RORA: variants seen among roughly 807,000 people sequenced by gnomAD.
The protein encoded by RORA is RAR related orphan receptor A, also known as nuclear receptor ROR-alpha.
In RORA, 7 loss-of-function variants were observed where a neutral mutation model predicts 69.5. The ratio of observed to expected loss-of-function variants is 0.10; its 90% confidence interval spans 0.06 to 0.19. The LOEUF is 0.19. Among genes scored for constraint, RORA ranks in the 10% least tolerant of loss-of-function variants. The pLI is 1.00. For missense variants in RORA, 457 were observed against 663.0 expected, an observed-to-expected ratio of 0.69 and a Z score of 3.41; for synonymous variants, 261 against 240.8, an observed-to-expected ratio of 1.08 and a Z score of -0.78.
At chr15:60,765,650 T>G (rs549524462) in intron 1 of RORA, 3 of 152,308 alleles carry the variant, frequency 2.0e-5, no homozygotes, top group African/African-American at 7.2e-5. Flanking sequence ...AGCTGCTTCA[T>G]GCAAATCCTT....
At position 60,688,244 on chromosome 15, in the gene RORA, C is replaced by T. The variant is rs116540381; in HGVS notation, c.167-9558G>A. Among the ~76,000 whole-genome samples the T allele has an allele frequency of 5.8e-3, 872 of 151,538 alleles. 13 individuals carry two copies. The highest frequency in any genetic ancestry group is 0.02 in the African/African-American group (837 of 41,328). ...TTCAAAGTCCCAAAGCATAGTATAT[C>T]ATTTTGTCAAAAAAGGAAAAAAAAA... On this transcript the variant is annotated intron_variant, in intron 1 of 10. Coordinates refer to ENST00000335670, the MANE Select transcript of RORA (RefSeq NM_134261.3).
At chr15:61,108,628 C>G (rs939323485) in intron 1 of RORA, among the ~76,000 whole-genome samples, 1 of 152,198 alleles carries the variant, frequency 6.6e-6, no homozygotes, top group Admixed American at 6.5e-5. Flanking sequence ...TTTGCTACTA[C>G]TAAACCATTA....
chr15:60,565,326 T>C (rs894907806), intron 2 of RORA, among the ~76,000 whole-genome samples: 22 of 152,236 alleles, frequency 1.4e-4, no homozygotes, highest in Admixed American at 1.3e-4. Context: ...TTTCAGATAG[T>C]GCTAGAGGTG....
intron 10 of RORA, among the ~76,000 whole-genome samples, chr15:60,497,952 G>A (rs924594945): frequency 6.6e-6 from 1 of 151,958 alleles, no homozygotes; most frequent in East Asian, 1.9e-4. Flanking sequence ...CCAGCTACTC[G>A]GGAGGCTGAG....
rs192126208 is a variant in RORA at position 61,115,570 on chromosome 15, G to A, written c.166+113483C>T. On this transcript the variant is annotated intron_variant, in intron 1 of 10. Transcript: ENST00000335670. The stretch of plus-strand genomic sequence containing the variant: ...TAGAGAGAGATGGCATTGGAAATAG[G>A]CTCATTTTCCCTCATAAGGTACCAG... Among the ~76,000 whole-genome samples the A allele has an allele frequency of 2.6e-5, 4 of 152,250 alleles. No homozygotes were observed. In the East Asian group the frequency reaches 7.7e-4, roughly 29 times the overall value.
chr15:60,667,970 T>G (rs901561121), intron 2 of RORA, among the ~76,000 whole-genome samples: 2 of 151,962 alleles, frequency 1.3e-5, no homozygotes, highest in African/African-American at 4.8e-5. Flanking sequence ...TTCCTCTTCA[T>G]GACAGTCTCT....
At chr15:60,619,374 G>C (rs975334305) in intron 2 of RORA, among the ~76,000 whole-genome samples, 11 of 152,108 alleles carry the variant, frequency 7.2e-5, no homozygotes, top group African/African-American at 2.7e-4. Context: ...GAACAATTTG[G>C]GGACAAACTA....
At chr15:60,497,664 AAGC>A (rs1320924147) in intron 10 of RORA, 45 bp from the exon 11 acceptor site, 1 of 1,489,712 alleles carries the variant, frequency 6.7e-7, no homozygotes, top group Non-Finnish European at 9.3e-7. Context: ...GAACAGGCAT[AAGC>A]ATCAAAGATC....
chr15:60,723,518 T>G (rs1490983300), intron 1 of RORA, among the ~76,000 whole-genome samples: 1 of 152,158 alleles, frequency 6.6e-6, no homozygotes, highest in Non-Finnish European at 1.5e-5. Context: ...AGTTGAGTAC[T>G]TTCTCAGTGT....
intron 2 of RORA, chr15:60,592,989 G>A: frequency 2.2e-6 from 1 of 453,976 alleles, no homozygotes; most frequent in Non-Finnish European, 4.4e-6. Context: ...GTTTGGTCTG[G>A]GGAGCTACGG....
chr15:60,975,375 G>A (rs1179781911), intron 1 of RORA, among the ~76,000 whole-genome samples: 1 of 152,206 alleles, frequency 6.6e-6, no homozygotes, highest in Non-Finnish European at 1.5e-5. Context: ...GGTCTGCCAA[G>A]TTCCTTCCCA....
chr15:61,135,598 A>AC (rs61256775), intron 1 of RORA, among the ~76,000 whole-genome samples: 1 of 150,096 alleles, frequency 6.7e-6, no homozygotes, highest in East Asian at 2.0e-4. Context: ...AAAAAAAAAA[A>AC]CCACAACTAT....
intron 2 of RORA, among the ~76,000 whole-genome samples, chr15:60,578,473 A>G (rs1290933476): frequency 6.6e-6 from 1 of 152,218 alleles, no homozygotes; most frequent in East Asian, 1.9e-4. Flanking sequence ...ACAGACTCAA[A>G]GTTCATTTTT....
intron 1 of RORA, among the ~76,000 whole-genome samples, chr15:60,829,985 A>G (rs980182063): frequency 6.6e-6 from 1 of 152,234 alleles, no homozygotes; most frequent in African/African-American, 2.4e-5. Context: ...CTGAGTAATG[A>G]ATGAATAAAC....
chr15:61,198,795 C>T (rs974260984), intron 1 of RORA, among the ~76,000 whole-genome samples: 1 of 152,036 alleles, frequency 6.6e-6, no homozygotes, highest in Non-Finnish European at 1.5e-5. Flanking sequence ...TGCCTGTAAA[C>T]TTAAATTCAA....
chr15:60,648,108 C>T (rs912636657), intron 2 of RORA, among the ~76,000 whole-genome samples: 8 of 152,220 alleles, frequency 5.3e-5, no homozygotes, highest in Admixed American at 1.3e-4. Flanking sequence ...GGAGAGAACA[C>T]GCTTTAGAAA....
intron 1 of RORA, among the ~76,000 whole-genome samples, chr15:61,068,319 TG>T (rs1305375945): frequency 6.6e-6 from 1 of 152,194 alleles, no homozygotes; most frequent in African/African-American, 2.4e-5. Flanking sequence ...TGCTTAACGG[TG>T]TGCACTGTCT....
intron 1 of RORA, among the ~76,000 whole-genome samples, chr15:61,104,261 A>T (rs1443013715): frequency 6.6e-6 from 1 of 152,202 alleles, no homozygotes; most frequent in African/African-American, 2.4e-5. Flanking sequence ...GAACGGAGAA[A>T]ATTAACAAAC....
chr15:60,829,230 C>A (rs2073006337), intron 1 of RORA, among the ~76,000 whole-genome samples: 1 of 152,212 alleles, frequency 6.6e-6, no homozygotes, highest in Admixed American at 6.5e-5. Flanking sequence ...TTCATCCCCA[C>A]TGGCATTTAT....
Sources: gnomAD v4.1 joint callset for allele counts (sites outside exome capture counted in the v4.1 genomes callset) on GRCh38, gnomAD v4.1.1 for gene constraint, MANE v1.5 for transcripts, NCBI Gene and HGNC (gene_info 2026-07-23, HGNC 2026-07-21) for gene names.